DLC1: variants seen among roughly 807,000 people sequenced by gnomAD.
The protein encoded by DLC1 is rho GTPase-activating protein 7.
Under a neutral mutation model 140.3 loss-of-function variants are expected in DLC1, and 54 were observed. The observed-to-expected ratio is 0.38, with a 90% confidence interval of 0.31 to 0.48. The LOEUF is 0.48. Ranked by LOEUF, DLC1 falls within the 20% of genes least tolerant of loss-of-function variation. The pLI, the probability that DLC1 is intolerant of heterozygous loss-of-function variation, is 0.96. For synonymous variants in DLC1, 986 were observed against 728.1 expected (o/e 1.35, Z -5.70); for missense variants, 2,536 against 1,907.0 (o/e 1.33, Z -6.14).
chr8:13,588,882 G>C (rs745495172), intron 1 of DLC1, among the ~76,000 whole-genome samples: 14 of 151,956 alleles, frequency 9.2e-5, no homozygotes, highest in Admixed American at 2.0e-4. Flanking sequence ...TCATAGTTTT[G>C]GGATAAGTGA....
intron 1 of DLC1, among the ~76,000 whole-genome samples, chr8:13,565,404 G>A (rs1267973141): frequency 6.6e-6 from 1 of 152,142 alleles, no homozygotes; most frequent in African/African-American, 2.4e-5. Flanking sequence ...CAGAGAATGA[G>A]GCAGAGATTT....
intron 5 of DLC1, among the ~76,000 whole-genome samples, chr8:13,154,415 GC>G (rs1824088714): frequency 6.6e-6 from 1 of 152,192 alleles, no homozygotes; most frequent in Non-Finnish European, 1.5e-5. Flanking sequence ...GGGACCCGGC[GC>G]CCCCTCCGCA....
intron 5 of DLC1, among the ~76,000 whole-genome samples, chr8:13,123,485 C>T (rs992022011): frequency 1.3e-5 from 2 of 151,238 alleles, no homozygotes; most frequent in African/African-American, 2.4e-5. Context: ...GGGCTACAGG[C>T]GCCCGCCACC....
intron 4 of DLC1, among the ~76,000 whole-genome samples, chr8:13,364,207 C>G (rs1474240763): frequency 2.6e-5 from 4 of 152,170 alleles, no homozygotes; most frequent in Admixed American, 2.6e-4. Context: ...AGAATGTCAG[C>G]CCATCACCTT....
Position 13,085,884 on chromosome 8 carries a change from G to A in DLC1, c.4514C>T (p.Ala1505Val), listed in dbSNP as rs745810828. 1 of 1,614,130 alleles carries A rather than the reference G, an allele frequency of 6.2e-7. No homozygotes were observed. The highest frequency in any genetic ancestry group is 2.2e-5 in the East Asian group (1 of 44,872). ...ATCCCGGATCTTTACAACTTCAGCT[G>A]CACACAAATGTCCAAAAGATTTTGT... ...WYTKSFGHLC[A>V]AEVVKIRDSF... Residue 1505 changes from alanine (A) to valine (V), a missense_variant, in exon 18 of 18, where the codon GCA (alanine) becomes GTA (valine). Transcript: ENST00000276297.
chr8:13,435,971 T>A (rs1331406652), intron 2 of DLC1, among the ~76,000 whole-genome samples: 1 of 152,188 alleles, frequency 6.6e-6, no homozygotes, highest in African/African-American at 2.4e-5. Flanking sequence ...GCAAAAAGAT[T>A]GAGCTGCTGA....
chr8:13,586,443 C>G (rs1019592111), intron 1 of DLC1, among the ~76,000 whole-genome samples: 4 of 152,086 alleles, frequency 2.6e-5, no homozygotes, highest in Non-Finnish European at 5.9e-5. Flanking sequence ...ATGCTGGTGT[C>G]ATCAGCAGAT....
chr8:13,345,661 G>A (rs930994262), intron 4 of DLC1, among the ~76,000 whole-genome samples: 4 of 141,706 alleles, frequency 2.8e-5, no homozygotes, highest in African/African-American at 1.1e-4. Flanking sequence ...GGCTTCAAGC[G>A]GTCCTCCTGC....
intron 2 of DLC1, among the ~76,000 whole-genome samples, chr8:13,474,767 T>C (rs892617490): frequency 1.3e-5 from 2 of 152,332 alleles, no homozygotes; most frequent in Admixed American, 1.3e-4. Flanking sequence ...GATTTCGGAC[T>C]TGCAAGGGGC....
At chr8:13,369,355 G>GAAAA (rs1333516845) in intron 4 of DLC1, among the ~76,000 whole-genome samples, 5 of 136,050 alleles carry the variant, frequency 3.7e-5, no homozygotes, top group African/African-American at 5.4e-5. Flanking sequence ...TGGCTGGGTC[G>GAAAA]AAAAAAAAAA....
chr8:13,408,444 C>T (rs937027014), intron 2 of DLC1, among the ~76,000 whole-genome samples: 1 of 152,150 alleles, frequency 6.6e-6, no homozygotes. Context: ...TTTTTAAACT[C>T]CAACTAGGCT....
At position 13,143,858 on chromosome 8, in the gene DLC1, G is replaced by GAC. The variant is rs1554584154; in HGVS notation, c.1349-28203_1349-28202dup. 4.9e-4 allele frequency among the ~76,000 whole-genome samples: 72 copies of GAC among 147,116 alleles called. 1 individual carries two copies. The highest frequency in any genetic ancestry group is 1.7e-3 in the African/African-American group (67 of 38,332). On this transcript the variant is annotated intron_variant, in intron 5 of 17. Coordinates refer to ENST00000276297, the MANE Select transcript of DLC1 (RefSeq NM_182643.3). The stretch of plus-strand genomic sequence containing the variant: ...AGAGAGAGAGAGAGAGAGAGACATA[G>GAC]ACATGCCAAGGTTTTCCAGCCGTTT...
At chr8:13,280,583 T>C (rs963915753) in intron 5 of DLC1, among the ~76,000 whole-genome samples, 1 of 152,220 alleles carries the variant, frequency 6.6e-6, no homozygotes, top group Admixed American at 6.5e-5. Flanking sequence ...ATACATTTTA[T>C]CTTACTGCAA....
intron 1 of DLC1, among the ~76,000 whole-genome samples, chr8:13,589,200 C>A (rs1041061633): frequency 6.6e-6 from 1 of 152,060 alleles, no homozygotes. Flanking sequence ...ACAACTTAAC[C>A]ATTCTTAGCC....
intron 2 of DLC1, among the ~76,000 whole-genome samples, chr8:13,489,408 A>C (rs1801128792): frequency 4.9e-5 from 1 of 20,532 alleles, no homozygotes; most frequent in Non-Finnish European, 1.0e-4. Context: ...AAACACACAC[A>C]CCATACACAC....
At chr8:13,368,320 C>T (rs879417038) in intron 4 of DLC1, among the ~76,000 whole-genome samples, 4 of 152,064 alleles carry the variant, frequency 2.6e-5, no homozygotes, top group Non-Finnish European at 4.4e-5. Flanking sequence ...TTCTTCCCTT[C>T]CCCCGCTTTC....
At chr8:13,431,607 C>G (rs920470006) in intron 2 of DLC1, among the ~76,000 whole-genome samples, 6 of 150,556 alleles carry the variant, frequency 4.0e-5, no homozygotes, top group Admixed American at 4.0e-4. Context: ...TTTCTCAATG[C>G]CATGGCAAAT....
At chr8:13,280,270 G>A (rs1439062896) in intron 5 of DLC1, among the ~76,000 whole-genome samples, 9 of 133,854 alleles carry the variant, frequency 6.7e-5, no homozygotes, top group Admixed American at 4.0e-4. Context: ...CCTGGGCAAC[G>A]GAGAGAGACT....
At chr8:13,282,453 C>T (rs1229075002) in intron 5 of DLC1, among the ~76,000 whole-genome samples, 1 of 152,000 alleles carries the variant, frequency 6.6e-6, no homozygotes, top group Non-Finnish European at 1.5e-5. Flanking sequence ...TAAACATTTG[C>T]AATTTCTATA....
Sources: allele counts gnomAD v4.1 joint callset (sites outside exome capture counted in the v4.1 genomes callset), GRCh38; gene constraint gnomAD v4.1.1; transcripts MANE v1.5; gene names NCBI Gene and HGNC (gene_info 2026-07-23, HGNC 2026-07-21).